Variants in SDC2 observed in about 807,000 individuals in gnomAD.
The protein encoded by SDC2 is syndecan-2.
In SDC2, 13 loss-of-function variants were observed where a neutral mutation model predicts 22.2. The ratio of observed to expected loss-of-function variants is 0.59; its 90% CI spans 0.38 to 0.93. The LOEUF is 0.93. Ranked by LOEUF, SDC2 falls within the 40% of genes least tolerant of loss-of-function variation. The pLI is 0.00. For missense variants in SDC2, 235 were observed against 246.8 expected, an observed-to-expected ratio of 0.95 and a Z score of 0.32; for synonymous variants, 94 against 92.8, an observed-to-expected ratio of 1.01 and a Z score of -0.07.
Position 96,536,171 on chromosome 8 carries a change from A to G in SDC2, c.60+41840A>G, listed in dbSNP as rs190740060. Among the ~76,000 whole-genome samples the G allele has an allele frequency of 1.9e-4, 29 of 152,050 alleles. 1 individual carries two copies. The Middle Eastern group carries it at 0.024, about 125-fold the overall frequency. On this transcript the variant is annotated intron_variant, in intron 1 of 4. Coordinates refer to ENST00000302190, the MANE Select transcript of SDC2 (RefSeq NM_002998.4). ...TTTTTTTTTCCTTTTGTTTCTTCCAAAAATTTTCTCCCAAGGGACAGAAGT... is the reference window on the plus strand; with the variant it reads ...TTTTTTTTTCCTTTTGTTTCTTCCAGAAATTTTCTCCCAAGGGACAGAAGT...
intron 1 of SDC2, among the ~76,000 whole-genome samples, chr8:96,512,323 G>GGA (rs1353363671): frequency 2.0e-5 from 3 of 152,202 alleles, no homozygotes; most frequent in Non-Finnish European, 4.4e-5. Context: ...GTGGCAAGAT[G>GGA]GAGTCTGGCA....
rs373803623 is a variant in SDC2 at position 96,593,564 on chromosome 8, G to A, written c.145G>A (p.Asp49Asn). The change falls in exon 2 of 5, where the codon GAT (aspartate) becomes AAT (asparagine). Residue 49 changes from aspartate to asparagine, a missense_variant. Asp to Asn is a conservative substitution (Grantham distance 23). Coordinates refer to ENST00000302190, the MANE Select transcript of SDC2 (RefSeq NM_002998.4). ...EASGVYPIDD[D>N]DYASASGSGA... ...TTCAGGAGTGTATCCTATTGATGAC[G>A]ATGACTACGCTTCTGCGTCTGGCTC... 7.4e-6 allele frequency: 12 copies of A among 1,613,412 alleles called. No homozygotes were observed. In the East Asian group the frequency reaches 1.3e-4, roughly 18 times the overall value.
intron 1 of SDC2, among the ~76,000 whole-genome samples, chr8:96,507,174 G>C (rs1407905158): frequency 1.3e-5 from 2 of 152,206 alleles, no homozygotes; most frequent in Non-Finnish European, 2.9e-5. Flanking sequence ...GAGAGGTTAA[G>C]TGATTTATCC....
At chr8:96,549,867 T>TAC (rs1813998402) in intron 1 of SDC2, among the ~76,000 whole-genome samples, 1 of 152,244 alleles carries the variant, frequency 6.6e-6, no homozygotes, top group South Asian at 2.1e-4. Context: ...GTGTGGCATA[T>TAC]ACACTTCTTT....
chr8:96,554,515 T>C (rs1269016273), intron 1 of SDC2, among the ~76,000 whole-genome samples: 1 of 152,226 alleles, frequency 6.6e-6, no homozygotes, highest in Non-Finnish European at 1.5e-5. Context: ...TATAATGCTG[T>C]TAATTTGCTG....
At chr8:96,516,880 C>T (rs974315456) in intron 1 of SDC2, among the ~76,000 whole-genome samples, 1 of 152,104 alleles carries the variant, frequency 6.6e-6, no homozygotes, top group Non-Finnish European at 1.5e-5. Context: ...AGTAATGCCG[C>T]CATAAGCATT....
chr8:96,580,130 C>G (rs757671462), intron 1 of SDC2, among the ~76,000 whole-genome samples: 1 of 152,214 alleles, frequency 6.6e-6, no homozygotes, highest in Non-Finnish European at 1.5e-5. Flanking sequence ...AATGTGACCA[C>G]TTGAACGGAT....
Position 96,609,608 on chromosome 8 carries a change from C to T in SDC2, c.*60C>T, listed in dbSNP as rs1284554263. ...TGAACTTTTCAAAATAAAGCTTTTG[C>T]ATAGAATAATGAAGATCTTTGTTTT... On this transcript the variant is annotated 3_prime_UTR_variant, in exon 5 of 5. Coordinates refer to ENST00000302190, the MANE Select transcript of SDC2 (RefSeq NM_002998.4). The T allele has an allele frequency of 3.3e-6, 4 of 1,227,696 alleles. No homozygotes were observed. In the East Asian group the frequency reaches 7.9e-5, roughly 24 times the overall value. The allele number at this position is 1,227,696 out of a possible 1,614,324, so 76.1% of individuals were successfully genotyped here.
chr8:96,565,680 A>G (rs1814288849), intron 1 of SDC2, among the ~76,000 whole-genome samples: 1 of 152,164 alleles, frequency 6.6e-6, no homozygotes, highest in Admixed American at 6.5e-5. Flanking sequence ...GACTCCAGTC[A>G]TACCTGCATT....
At chr8:96,534,292 A>C (rs1387034002) in intron 1 of SDC2, among the ~76,000 whole-genome samples, 1 of 152,174 alleles carries the variant, frequency 6.6e-6, no homozygotes, top group Non-Finnish European at 1.5e-5. Context: ...CCACCTCTCG[A>C]ACGTGGCCAG....
intron 3 of SDC2, among the ~76,000 whole-genome samples, chr8:96,604,435 G>C (rs893539402): frequency 6.6e-6 from 1 of 152,184 alleles, no homozygotes; most frequent in African/African-American, 2.4e-5. Flanking sequence ...TAGGAGATTT[G>C]TTGAGTGCTA....
chr8:96,502,716 T>A (rs1475495331), intron 1 of SDC2, among the ~76,000 whole-genome samples: 9 of 152,226 alleles, frequency 5.9e-5, no homozygotes, highest in African/African-American at 2.2e-4. Flanking sequence ...ACACTTATTA[T>A]GTAACCTTGG....
chr8:96,601,468 C>A (rs1814982799), intron 2 of SDC2, among the ~76,000 whole-genome samples: 1 of 151,714 alleles, frequency 6.6e-6, no homozygotes, highest in African/African-American at 2.4e-5. Flanking sequence ...GGTGAAACCC[C>A]ATCTCTACTA....
chr8:96,541,694 AG>A (rs36090888), intron 1 of SDC2, among the ~76,000 whole-genome samples: 91,222 of 151,890 alleles, frequency 0.6, 29,917 homozygotes, highest in East Asian at 0.74. Flanking sequence ...GGGCTGAGGG[AG>A]GGGGCAATAG....
chr8:96,538,023 T>C (rs1296041597), intron 1 of SDC2, among the ~76,000 whole-genome samples: 7 of 151,488 alleles, frequency 4.6e-5, no homozygotes, highest in Non-Finnish European at 8.8e-5. Flanking sequence ...AGTGCAGTAG[T>C]GCAATCTCGG....
chr8:96,567,866 A>T (rs1814326515), intron 1 of SDC2, among the ~76,000 whole-genome samples: 1 of 152,214 alleles, frequency 6.6e-6, no homozygotes, highest in Non-Finnish European at 1.5e-5. Flanking sequence ...GCACTCTTAG[A>T]CAATGTGCAG....
intron 1 of SDC2, among the ~76,000 whole-genome samples, chr8:96,576,384 G>GGTTTTTTTTTT (rs1554604684): frequency 2.0e-5 from 1 of 50,962 alleles, no homozygotes; most frequent in Non-Finnish European, 3.8e-5. Context: ...GTTTTGTTTT[G>GGTTTTTTTTTT]TTTTTTTTTA....
At chr8:96,573,575 A>G (rs946032482) in intron 1 of SDC2, among the ~76,000 whole-genome samples, 2 of 152,054 alleles carry the variant, frequency 1.3e-5, no homozygotes, top group African/African-American at 4.8e-5. Context: ...ATAAATCATC[A>G]TATCCTCTCA....
intron 1 of SDC2, among the ~76,000 whole-genome samples, chr8:96,550,119 A>G (rs1435942747): frequency 6.6e-6 from 1 of 152,218 alleles, no homozygotes; most frequent in Admixed American, 6.5e-5. Context: ...ACAAATGAAT[A>G]AGTATAATGT....
Sources: allele counts gnomAD v4.1 joint callset (sites outside exome capture counted in the v4.1 genomes callset), GRCh38; gene constraint gnomAD v4.1.1; transcripts MANE v1.5; gene names NCBI Gene and HGNC (gene_info 2026-07-23, HGNC 2026-07-21).